The following FAM20C variants were observed in gnomAD, a reference collection of about 807,000 sequenced individuals.
The protein encoded by FAM20C is FAM20C golgi associated secretory pathway kinase, also known as extracellular serine/threonine protein kinase FAM20C.
A neutral mutation model predicts 51.5 loss-of-function variants in FAM20C; 40 were observed. The observed-to-expected ratio is 0.78, with a 90% CI of 0.60 to 1.01. The LOEUF is 1.01. Among genes scored for constraint, FAM20C ranks in the 50% least tolerant of loss-of-function variants. FAM20C has a pLI of 0.00. For synonymous variants in FAM20C, 406 were observed against 380.6 expected (o/e 1.07, Z -0.78); for missense variants, 861 against 844.7 (o/e 1.02, Z -0.24).
intron 3 of FAM20C, among the ~76,000 whole-genome samples, chr7:234,930 CT>C (rs1344454078): frequency 6.6e-6 from 1 of 152,164 alleles, no homozygotes; most frequent in Non-Finnish European, 1.5e-5. Flanking sequence ...GCCAGCACCC[CT>C]CTCAGCTGCG....
chr7:236,568 A>G (rs1441869224), intron 3 of FAM20C, among the ~76,000 whole-genome samples: 2 of 152,190 alleles, frequency 1.3e-5, no homozygotes, highest in Non-Finnish European at 2.9e-5. Flanking sequence ...CTTACTCTGC[A>G]GAAAGGGAAA....
At position 248,570 on chromosome 7, in the gene FAM20C, C is replaced by T. The variant is rs556060643; in HGVS notation, c.1072+140C>T. 295 of 588,948 alleles carry T rather than the reference C, an allele frequency of 5.0e-4. 3 individuals are homozygous for T. Among genetic ancestry groups the T allele is most frequent in the African/African-American group, 5.0e-3 (252 of 50,800 alleles). 36.5% of individuals were successfully genotyped at this position (588,948 alleles called of 1,614,324 possible). On this transcript the variant is annotated intron_variant, in intron 5 of 9. Coordinates refer to ENST00000313766, the MANE Select transcript of FAM20C (RefSeq NM_020223.4). ...CTGGCACGGGGGCCCACATTCACCT[C>T]TCCAGGTAGCCTGGCACGGGGGGCC...
chr7:228,144 T>C (rs993480995), intron 3 of FAM20C: 45 of 314,200 alleles, frequency 1.4e-4, no homozygotes, highest in South Asian at 1.2e-3. Flanking sequence ...GGCCTGTGCC[T>C]GCGTAACGAA....
At chr7:201,816 C>G (rs1361742220) in intron 2 of FAM20C, among the ~76,000 whole-genome samples, 1 of 152,186 alleles carries the variant, frequency 6.6e-6, no homozygotes, top group Non-Finnish European at 1.5e-5. Flanking sequence ...TGGGCAAAAC[C>G]CAGTGGCGTC....
At chr7:252,879 G>A (rs959400889) in intron 5 of FAM20C, among the ~76,000 whole-genome samples, 17 of 152,238 alleles carry the variant, frequency 1.1e-4, no homozygotes, top group African/African-American at 4.1e-4. Flanking sequence ...TACTTCTCAC[G>A]TAAGTTACCG....
intron 2 of FAM20C, among the ~76,000 whole-genome samples, chr7:206,655 C>G (rs372500218): frequency 1.1e-3 from 105 of 91,820 alleles, no homozygotes; most frequent in African/African-American, 4.1e-3. Context: ...TCCACTGTGA[C>G]GCGTCGGTCA....
Position 209,411 on chromosome 7 carries a change from C to T in FAM20C, c.863+435C>T, listed in dbSNP as rs184932513. On this transcript the variant is annotated intron_variant, in intron 3 of 9. Coordinates refer to ENST00000313766, the MANE Select transcript of FAM20C (RefSeq NM_020223.4). Reference sequence around the variant, plus strand: ...TGTATGGTCTCTCCCTACTATTCAGCGGGTGGTCCTAGCCCCAAAGCAGCC... The same window carrying T: ...TGTATGGTCTCTCCCTACTATTCAGTGGGTGGTCCTAGCCCCAAAGCAGCC... 3.3e-5 allele frequency among the ~76,000 whole-genome samples: 5 copies of T among 152,320 alleles called. No homozygotes were observed. In the East Asian group the frequency reaches 7.7e-4, roughly 24 times the overall value.
At chr7:201,260 C>T (rs925943523) in intron 2 of FAM20C, among the ~76,000 whole-genome samples, 1 of 152,240 alleles carries the variant, frequency 6.6e-6, no homozygotes, top group Non-Finnish European at 1.5e-5. Context: ...CGCTGGCCCT[C>T]TTGACGGACG....
intron 6 of FAM20C, 23 bp from the exon 7 acceptor site, chr7:256,631 C>T (rs548664628): frequency 1.1e-5 from 17 of 1,526,406 alleles, no homozygotes; most frequent in Middle Eastern, 3.4e-4. Flanking sequence ...CTGGGCCCCC[C>T]GTCTCACGCT....
chr7:246,932 G>T (rs1223779529), intron 4 of FAM20C, among the ~76,000 whole-genome samples: 2 of 152,176 alleles, frequency 1.3e-5, no homozygotes. Flanking sequence ...CCTTAATCCA[G>T]ATGGGCCCCT....
At chr7:243,353 C>T (rs1433904029) in intron 3 of FAM20C, among the ~76,000 whole-genome samples, 1 of 30,656 alleles carries the variant, frequency 3.3e-5, no homozygotes, top group Non-Finnish European at 5.5e-5. Flanking sequence ...CTGTGCCACC[C>T]GGGAGACCTG....
Position 259,882 on chromosome 7 carries a change from G to A in FAM20C, c.1657G>A (p.Val553Met), listed in dbSNP as rs754889644. The A allele has an allele frequency of 9.0e-5, 139 of 1,536,134 alleles. No individual in the cohort carries two copies. Among genetic ancestry groups the A allele is most frequent in the Middle Eastern group, 3.3e-4 (2 of 5,982 alleles). The change falls in exon 10 of 10, where the codon GTG (valine) becomes ATG (methionine). Residue 553 changes from valine (V) to methionine (M), a missense_variant. Around this residue, in one of 3 missense-constraint regions of FAM20C, gnomAD observed 269 missense variants for 283.8 expected, o/e 0.95. Transcript: ENST00000313766. ...GGCCCTGGACCGGCGGCTCCGCGTC[G>A]TGCTAAAGGCCGTCCGGGACTGCGT... ...LEALDRRLRV[V>M]LKAVRDCVER... is the part of the protein sequence containing the mutation.
At chr7:216,398 AT>A in intron 3 of FAM20C, among the ~76,000 whole-genome samples, 1 of 20,238 alleles carries the variant, frequency 4.9e-5, no homozygotes, top group East Asian at 1.5e-3. Context: ...TATGGAGAGG[AT>A]GGGGCTGGGT....
chr7:213,418 A>G (rs73251087), intron 3 of FAM20C, among the ~76,000 whole-genome samples: 1,649 of 152,300 alleles, frequency 0.011, 28 homozygotes, highest in African/African-American at 0.037. Flanking sequence ...TGTGAGTGAC[A>G]CGTTTCTGAG....
intron 2 of FAM20C, among the ~76,000 whole-genome samples, chr7:201,687 A>G (rs1300107470): frequency 6.6e-6 from 1 of 152,218 alleles, no homozygotes; most frequent in African/African-American, 2.4e-5. Flanking sequence ...GACAGCAGCC[A>G]TCTTTCTATG....
intron 8 of FAM20C, among the ~76,000 whole-genome samples, chr7:258,360 GAGGTGCTGGAGAT>G (rs1788721457): frequency 2.7e-5 from 3 of 109,854 alleles, no homozygotes; most frequent in African/African-American, 1.0e-4. Context: ...CCCACTGCCT[GAGGTGCTGGAGAT>G]GGGCAGGGTG....
At chr7:254,862 C>T (rs990627439) in intron 5 of FAM20C, among the ~76,000 whole-genome samples, 7 of 152,238 alleles carry the variant, frequency 4.6e-5, no homozygotes, top group Non-Finnish European at 8.8e-5. Context: ...CGTGTGGCCT[C>T]CTCTGTCTGG....
intron 3 of FAM20C, chr7:228,962 T>C (rs1787553442): frequency 2.5e-6 from 1 of 392,564 alleles, no homozygotes; most frequent in Non-Finnish European, 5.2e-6. Flanking sequence ...TGGATGGGGA[T>C]CACAGCCAGG....
At chr7:215,232 G>C (rs1035781053) in intron 3 of FAM20C, among the ~76,000 whole-genome samples, 14 of 125,820 alleles carry the variant, frequency 1.1e-4, no homozygotes, top group South Asian at 2.8e-4. Context: ...TCCAGCTGGG[G>C]GGGGGAGCAG....
Sources: gnomAD v4.1 joint callset for allele counts (sites outside exome capture counted in the v4.1 genomes callset) on GRCh38, gnomAD v4.1.1 for gene constraint, gnomAD v4.1.1 regional missense constraint, MANE v1.5 for transcripts, NCBI Gene and HGNC (gene_info 2026-07-23, HGNC 2026-07-21) for gene names.